The following AUTS2 variants were observed in gnomAD, a reference collection of about 807,000 sequenced individuals.
The protein encoded by AUTS2 is autism susceptibility gene 2 protein.
In AUTS2, 17 loss-of-function variants were observed where a neutral mutation model predicts 112.4. That is an observed-to-expected ratio of 0.15 (90% confidence interval 0.10 to 0.23). The LOEUF is 0.23. AUTS2 is among the 10% of genes least tolerant of loss of function. The probability of loss-of-function intolerance (pLI) is 1.00; values close to 1 mark genes in which losing one functional copy is unlikely to be tolerated. For synonymous variants in AUTS2, 751 were observed against 702.7 expected (o/e 1.07, Z -1.09); for missense variants, 1,510 against 1,701.6 (o/e 0.89, Z 1.98).
At chr7:69,703,212 C>T (rs917901596) in intron 1 of AUTS2, among the ~76,000 whole-genome samples, 10 of 152,080 alleles carry the variant, frequency 6.6e-5, no homozygotes, top group Admixed American at 5.2e-4. Flanking sequence ...CTGTGCAGGA[C>T]TCCTGAGTAA....
chr7:69,600,727 A>G (rs1162639778), intron 1 of AUTS2, among the ~76,000 whole-genome samples: 2 of 151,910 alleles, frequency 1.3e-5, no homozygotes, highest in Admixed American at 6.6e-5. Flanking sequence ...GTGTGTGTAC[A>G]TGAGCAATTT....
intron 4 of AUTS2, among the ~76,000 whole-genome samples, chr7:70,173,098 A>G (rs1443144964): frequency 6.6e-6 from 1 of 152,018 alleles, no homozygotes; most frequent in Non-Finnish European, 1.5e-5. Flanking sequence ...AGTTTGGGGA[A>G]CTTCGCACAG....
chr7:70,447,319 G>T (rs1411874121), intron 5 of AUTS2, among the ~76,000 whole-genome samples: 1 of 152,170 alleles, frequency 6.6e-6, no homozygotes, highest in African/African-American at 2.4e-5. Flanking sequence ...AGGTTCAAAG[G>T]TTCTGTAACT....
At chr7:70,363,432 T>C (rs1241285073) in intron 4 of AUTS2, among the ~76,000 whole-genome samples, 1 of 130,968 alleles carries the variant, frequency 7.6e-6, no homozygotes, top group Non-Finnish European at 1.5e-5. Context: ...TGTGCACATG[T>C]ACCCTAAAAC....
chr7:69,898,220 A>G (rs1794832672), intron 1 of AUTS2, among the ~76,000 whole-genome samples: 1 of 152,170 alleles, frequency 6.6e-6, no homozygotes, highest in Non-Finnish European at 1.5e-5. Flanking sequence ...AAATTTTTAA[A>G]AAGTTCATTT....
At chr7:70,714,046 G>T (rs1810216504) in intron 6 of AUTS2, among the ~76,000 whole-genome samples, 1 of 152,130 alleles carries the variant, frequency 6.6e-6, no homozygotes, top group Non-Finnish European at 1.5e-5. Flanking sequence ...ATCTACATGG[G>T]TTAAATTTAA....
At chr7:70,219,675 G>C (rs911804249) in intron 4 of AUTS2, among the ~76,000 whole-genome samples, 4 of 151,272 alleles carry the variant, frequency 2.6e-5, no homozygotes, top group Non-Finnish European at 5.9e-5. Context: ...GGGTTCAAGC[G>C]ATTCTCCTAC....
At chr7:70,262,924 T>G (rs545284609) in intron 4 of AUTS2, among the ~76,000 whole-genome samples, 13 of 152,304 alleles carry the variant, frequency 8.5e-5, no homozygotes, top group Non-Finnish European at 1.6e-4. Context: ...TGAAATACAG[T>G]CATAGGCCAT....
At chr7:69,704,459 T>C (rs916953824) in intron 1 of AUTS2, among the ~76,000 whole-genome samples, 3 of 151,990 alleles carry the variant, frequency 2.0e-5, no homozygotes, top group East Asian at 1.9e-4. Context: ...TTTGTATTTT[T>C]AGTAGAGACG....
intron 5 of AUTS2, among the ~76,000 whole-genome samples, chr7:70,601,588 C>T (rs868523344): frequency 7.9e-5 from 12 of 152,152 alleles, no homozygotes; most frequent in South Asian, 2.1e-4. Flanking sequence ...CAGAAAGACA[C>T]GGTGTGACTT....
intron 1 of AUTS2, among the ~76,000 whole-genome samples, chr7:69,779,747 G>C (rs1457153152): frequency 8.5e-6 from 1 of 117,444 alleles, no homozygotes; most frequent in East Asian, 2.4e-4. Flanking sequence ...CTGGGTGACA[G>C]AACGAGACTC....
intron 1 of AUTS2, among the ~76,000 whole-genome samples, chr7:69,792,385 G>A (rs1027536416): frequency 6.6e-6 from 1 of 151,784 alleles, no homozygotes; most frequent in Non-Finnish European, 1.5e-5. Context: ...GACTACAGGC[G>A]CCCACCATCA....
At position 70,188,768 on chromosome 7, in the gene AUTS2, T is replaced by TTTTC. The variant is rs532505087; in HGVS notation, c.660+54213_660+54216dup. On this transcript the variant is annotated intron_variant, in intron 4 of 18. Coordinates refer to ENST00000342771, the MANE Select transcript of AUTS2 (RefSeq NM_015570.4). ...GGACATAAATGGGCATCTTGTTTTC[T>TTTTC]TTTCTTTCTTTCTTTCTTTTTTTTT... Among the ~76,000 whole-genome samples the TTTTC allele has an allele frequency of 5.1e-3, 775 of 151,706 alleles. 11 individuals carry two copies. Among genetic ancestry groups the TTTTC allele is most frequent in the Non-Finnish European group, 6.0e-3 (411 of 67,938 alleles).
intron 4 of AUTS2, among the ~76,000 whole-genome samples, chr7:70,420,954 T>C (rs1206492714): frequency 6.6e-6 from 1 of 152,144 alleles, no homozygotes; most frequent in Non-Finnish European, 1.5e-5. Flanking sequence ...AAAAAAATAG[T>C]GAACAGTATC....
At chr7:69,753,384 G>A (rs570788473) in intron 1 of AUTS2, among the ~76,000 whole-genome samples, 5 of 151,830 alleles carry the variant, frequency 3.3e-5, no homozygotes, top group South Asian at 2.1e-4. Context: ...CTTAGGGAAA[G>A]GCATGAGAAA....
intron 6 of AUTS2, among the ~76,000 whole-genome samples, chr7:70,706,598 T>C (rs1475220838): frequency 1.3e-5 from 2 of 152,232 alleles, no homozygotes; most frequent in African/African-American, 2.4e-5. Context: ...ATAGCTTTGA[T>C]GATCTCCGTA....
At chr7:70,391,305 A>G (rs1242452942) in intron 4 of AUTS2, among the ~76,000 whole-genome samples, 1 of 152,206 alleles carries the variant, frequency 6.6e-6, no homozygotes, top group African/African-American at 2.4e-5. Context: ...TATTGAGGCC[A>G]TTTCTTTGTG....
At chr7:69,723,683 A>G in intron 1 of AUTS2, among the ~76,000 whole-genome samples, 1 of 152,310 alleles carries the variant, frequency 6.6e-6, no homozygotes, top group East Asian at 1.9e-4. Context: ...ACCTTGCAAG[A>G]ACCACTGGTC....
At chr7:69,643,813 A>G (rs1201576561) in intron 1 of AUTS2, among the ~76,000 whole-genome samples, 2 of 152,102 alleles carry the variant, frequency 1.3e-5, no homozygotes, top group African/African-American at 4.8e-5. Context: ...CTAACCTCCA[A>G]TGTGATGGTA....
Sources: allele counts gnomAD v4.1 joint callset (sites outside exome capture counted in the v4.1 genomes callset), GRCh38; gene constraint gnomAD v4.1.1; transcripts MANE v1.5; gene names NCBI Gene and HGNC (gene_info 2026-07-23, HGNC 2026-07-21).